The following LUZP2 variants were observed in gnomAD, a reference collection of about 807,000 sequenced individuals.
LUZP2 encodes leucine zipper protein 2.
A neutral mutation model predicts 51.6 loss-of-function variants in LUZP2; 52 were observed. The observed-to-expected ratio is 1.01, with a 90% CI of 0.81 to 1.27. The LOEUF (loss-of-function observed/expected upper bound fraction) is 1.27, where lower values mean the gene tolerates loss of function less well. Among genes scored for constraint, LUZP2 ranks in the 50% most tolerant of loss-of-function variants. The probability of loss-of-function intolerance (pLI) is 0.00; values close to 1 mark genes in which losing one functional copy is unlikely to be tolerated. For missense variants in LUZP2, 436 were observed against 395.4 expected, an observed-to-expected ratio of 1.10 and a Z score of -0.87; for synonymous variants, 154 against 137.3, an observed-to-expected ratio of 1.12 and a Z score of -0.85.
In LUZP2 at chr11:25,066,829, C is replaced by T. The variant is rs564995221; in HGVS notation, c.859-10500C>T. Among the ~76,000 whole-genome samples, 20 of 152,070 alleles carry T rather than the reference C, an allele frequency of 1.3e-4. No homozygotes were observed. The South Asian group carries it at 2.9e-3, about 22-fold the overall frequency. ...TCTGAAAGAGAAAGGAAGACTATAA[C>T]GTGCTGAATTGTTTTCATGAAAAAT... On this transcript the variant is annotated intron_variant, in intron 10 of 11. Transcript: ENST00000336930.
intron 4 of LUZP2, among the ~76,000 whole-genome samples, chr11:24,744,044 C>T (rs575137730): frequency 2.6e-4 from 40 of 152,020 alleles, no homozygotes; most frequent in African/African-American, 9.4e-4. Context: ...TTATACTATC[C>T]CTGCATCCCT....
chr11:24,733,291 C>T (rs1047303534), intron 3 of LUZP2, among the ~76,000 whole-genome samples: 14 of 151,548 alleles, frequency 9.2e-5, no homozygotes, highest in South Asian at 2.1e-4. Flanking sequence ...AAGAGCAATC[C>T]GAACATGTTT....
intron 1 of LUZP2, among the ~76,000 whole-genome samples, chr11:24,719,316 T>A (rs1003563058): frequency 1.3e-5 from 2 of 152,236 alleles, no homozygotes; most frequent in Non-Finnish European, 2.9e-5. Flanking sequence ...GAGATGGGAT[T>A]TGATTGAGCA....
At chr11:24,506,675 A>G (rs902794789) in intron 1 of LUZP2, among the ~76,000 whole-genome samples, 3 of 152,124 alleles carry the variant, frequency 2.0e-5, no homozygotes, top group Non-Finnish European at 4.4e-5. Flanking sequence ...TCGTGTGTGT[A>G]GAAGTGCTAG....
rs543268160 is a variant in LUZP2, at chr11:24,544,450, CT to C, written c.62+47147del. On this transcript the variant is annotated intron_variant, in intron 1 of 11. Coordinates refer to ENST00000336930, the MANE Select transcript of LUZP2 (RefSeq NM_001009909.4). Reference sequence around the variant, plus strand: ...TCCACTCTCTTCTCCCACACTCCACCTTCCAATAGGTCCCAGCATCTGTTGT... The same window carrying C: ...TCCACTCTCTTCTCCCACACTCCACCTCCAATAGGTCCCAGCATCTGTTGT... Among the ~76,000 whole-genome samples the C allele has an allele frequency of 2.7e-4, 41 of 152,194 alleles. No individual in the cohort carries two copies. In the South Asian group the frequency reaches 8.5e-3, roughly 32 times the overall value.
At chr11:25,044,251 G>GTA (rs1192643851) in intron 9 of LUZP2, among the ~76,000 whole-genome samples, 40 of 117,636 alleles carry the variant, frequency 3.4e-4, no homozygotes, top group South Asian at 2.2e-3. Flanking sequence ...GTGTGTGTGT[G>GTA]TGTGTGTATA....
chr11:24,952,768 T>G (rs1399987758), intron 7 of LUZP2, among the ~76,000 whole-genome samples: 1 of 151,978 alleles, frequency 6.6e-6, no homozygotes, highest in Non-Finnish European at 1.5e-5. Context: ...TTATATAAAT[T>G]GATCAGAACT....
chr11:24,970,458 G>T (rs891021187), intron 7 of LUZP2, among the ~76,000 whole-genome samples: 5 of 152,092 alleles, frequency 3.3e-5, no homozygotes, highest in African/African-American at 1.2e-4. Context: ...AAGACAACTG[G>T]ATAGTTTTAC....
intron 1 of LUZP2, among the ~76,000 whole-genome samples, chr11:24,708,449 C>T (rs530460329): frequency 3.9e-5 from 6 of 152,030 alleles, no homozygotes; most frequent in African/African-American, 1.4e-4. Flanking sequence ...TAACAAATGC[C>T]TCTTGTATAT....
intron 7 of LUZP2, 75 bp from the exon 8 acceptor site, chr11:24,976,516 C>A: frequency 1.2e-6 from 1 of 801,228 alleles, no homozygotes; most frequent in Non-Finnish European, 1.9e-6. Flanking sequence ...AATTCTTTGG[C>A]AATATATGAC....
chr11:25,026,257 G>A (rs2896721), intron 9 of LUZP2, among the ~76,000 whole-genome samples: 2 of 151,508 alleles, frequency 1.3e-5, no homozygotes, highest in Non-Finnish European at 2.9e-5. Context: ...AAACCTGCAT[G>A]TTGTGCACAT....
At chr11:25,046,992 T>C (rs990003173) in intron 9 of LUZP2, among the ~76,000 whole-genome samples, 1 of 152,156 alleles carries the variant, frequency 6.6e-6, no homozygotes, top group Non-Finnish European at 1.5e-5. Flanking sequence ...ATTTTTTAAT[T>C]TCCTTTAATG....
At chr11:24,654,176 T>C (rs1855725678) in intron 1 of LUZP2, among the ~76,000 whole-genome samples, 2 of 152,142 alleles carry the variant, frequency 1.3e-5, no homozygotes, top group Admixed American at 6.5e-5. Context: ...GATGACAATA[T>C]ATAGATACAT....
intron 9 of LUZP2, among the ~76,000 whole-genome samples, chr11:25,045,576 A>G (rs1159052384): frequency 6.6e-6 from 1 of 152,184 alleles, no homozygotes; most frequent in African/African-American, 2.4e-5. Context: ...AAATCTGGGC[A>G]CATTTTAATA....
intron 9 of LUZP2, among the ~76,000 whole-genome samples, chr11:25,028,157 G>T (rs2133985574): frequency 6.6e-6 from 1 of 152,092 alleles, no homozygotes; most frequent in South Asian, 2.1e-4. Flanking sequence ...GTCACATCAG[G>T]GTAAATGGAG....
At chr11:24,581,539 C>A (rs112510144) in intron 1 of LUZP2, among the ~76,000 whole-genome samples, 1 of 149,156 alleles carries the variant, frequency 6.7e-6, no homozygotes, top group Non-Finnish European at 1.5e-5. Context: ...GGTGTGGTGG[C>A]GCTCTCTTGC....
intron 1 of LUZP2, among the ~76,000 whole-genome samples, chr11:24,649,350 G>T (rs910365443): frequency 2.0e-5 from 3 of 151,922 alleles, no homozygotes; most frequent in African/African-American, 7.2e-5. Flanking sequence ...TTTTATTTAT[G>T]CTGCTCCTTC....
intron 1 of LUZP2, among the ~76,000 whole-genome samples, chr11:24,696,230 T>G (rs1011861826): frequency 2.6e-5 from 4 of 152,046 alleles, no homozygotes; most frequent in Non-Finnish European, 4.4e-5. Context: ...CTAAATAATT[T>G]TACCTATTTC....
At chr11:24,695,563 ATCTG>A (rs1166440392) in intron 1 of LUZP2, among the ~76,000 whole-genome samples, 9 of 152,024 alleles carry the variant, frequency 5.9e-5, no homozygotes, top group Admixed American at 3.3e-4. Flanking sequence ...ACGAGAACTT[ATCTG>A]TCTATCTCAC....
Sources: allele counts gnomAD v4.1 joint callset (sites outside exome capture counted in the v4.1 genomes callset), GRCh38; gene constraint gnomAD v4.1.1; transcripts MANE v1.5; gene names NCBI Gene and HGNC (gene_info 2026-07-23, HGNC 2026-07-21).